The following FRMD4B variants were observed in gnomAD, a reference collection of about 807,000 sequenced individuals.
FRMD4B encodes the protein FERM domain-containing protein 4B.
In FRMD4B, 74 loss-of-function variants were observed where a neutral mutation model predicts 141.5. The observed-to-expected ratio is 0.52, with a 90% CI of 0.43 to 0.63. The LOEUF is 0.63. Ranked by LOEUF, FRMD4B falls within the 30% of genes least tolerant of loss-of-function variation. The pLI, the probability that FRMD4B is intolerant of heterozygous loss-of-function variation, is 0.00. For synonymous variants in FRMD4B, 506 were observed against 467.9 expected, an observed-to-expected ratio of 1.08 and a Z score of -1.05; for missense variants, 1,366 against 1,253.4, an observed-to-expected ratio of 1.09 and a Z score of -1.36.
chr3:69,174,994 T>C (rs1433252481), intron 22 of FRMD4B, among the ~76,000 whole-genome samples: 1 of 152,168 alleles, frequency 6.6e-6, no homozygotes, highest in Non-Finnish European at 1.5e-5. Flanking sequence ...AAAATTCTAT[T>C]TTGAGTATAG....
chr3:69,358,753 C>G (rs1375574240), intron 1 of FRMD4B, among the ~76,000 whole-genome samples: 1 of 151,892 alleles, frequency 6.6e-6, no homozygotes, highest in Non-Finnish European at 1.5e-5. Flanking sequence ...AACAAATAAA[C>G]AAACAAAAAA....
intron 1 of FRMD4B, among the ~76,000 whole-genome samples, chr3:69,375,751 A>G (rs1703956225): frequency 6.6e-6 from 1 of 152,196 alleles, no homozygotes; most frequent in Non-Finnish European, 1.5e-5. Flanking sequence ...GTGACTTATT[A>G]CCTATTATAA....
At chr3:69,289,928 T>C (rs1210279729) in intron 4 of FRMD4B, among the ~76,000 whole-genome samples, 1 of 152,234 alleles carries the variant, frequency 6.6e-6, no homozygotes, top group African/African-American at 2.4e-5. Context: ...TTTCTTGATT[T>C]GTCCTTTTTT....
At chr3:69,188,006 G>C (rs1005380095) in intron 18 of FRMD4B, 89 bp from the exon 19 acceptor site, 1 of 716,056 alleles carries the variant, frequency 1.4e-6, no homozygotes, top group South Asian at 1.7e-5. Flanking sequence ...AAAGAAATTA[G>C]AAGGTTTAGT....
intron 5 of FRMD4B, among the ~76,000 whole-genome samples, chr3:69,284,271 T>C (rs981012799): frequency 2.0e-5 from 3 of 151,810 alleles, no homozygotes; most frequent in Admixed American, 1.3e-4. Flanking sequence ...CTATAGAGGG[T>C]CTCCTCTGAG....
intron 1 of FRMD4B, among the ~76,000 whole-genome samples, chr3:69,338,146 G>T (rs6771772): frequency 0.61 from 93,020 of 151,984 alleles, 28,923 homozygotes; most frequent in African/African-American, 0.71. Context: ...GATGAGTTCA[G>T]GTCCTTTGTA....
intron 2 of FRMD4B, among the ~76,000 whole-genome samples, chr3:69,398,624 T>C (rs72937885): frequency 0.037 from 5,601 of 152,292 alleles, 352 homozygotes; most frequent in African/African-American, 0.13. Flanking sequence ...CCCAGCTCCT[T>C]ATTTCCAGGG....
intron 1 of FRMD4B, among the ~76,000 whole-genome samples, chr3:69,325,934 C>G (rs1029873385): frequency 1.3e-5 from 2 of 151,942 alleles, no homozygotes; most frequent in African/African-American, 4.8e-5. Context: ...TAAGTGCGTA[C>G]TTCTCTCAAG....
intron 17 of FRMD4B, among the ~76,000 whole-genome samples, chr3:69,193,261 C>A (rs1358299508): frequency 1.3e-5 from 2 of 152,136 alleles, no homozygotes; most frequent in African/African-American, 4.8e-5. Context: ...GTAATGCCAG[C>A]ACTTTGCAAG....
In FRMD4B at chr3:69,198,586, C is replaced by G. The variant is rs2092932286; in HGVS notation, c.953+112G>C. 8 of 666,242 alleles carry G rather than the reference C, an allele frequency of 1.2e-5. No individual in the cohort carries two copies. In the East Asian group the frequency reaches 2.2e-4, roughly 18 times the overall value. The allele number at this position is 666,242 out of a possible 1,614,324, so 41.3% of individuals were successfully genotyped here. On this transcript the variant is annotated intron_variant, in intron 12 of 22. Coordinates refer to ENST00000398540, the MANE Select transcript of FRMD4B (RefSeq NM_015123.3). ...CCCAGCAATTCCATTCCTAGGTATA[C>G]ACCCAAGAGAAATGAAAACATATGT...
chr3:69,418,862 T>C (rs893959953), intron 2 of FRMD4B, among the ~76,000 whole-genome samples: 8 of 141,730 alleles, frequency 5.6e-5, no homozygotes, highest in Non-Finnish European at 1.1e-4. Flanking sequence ...CACACATATA[T>C]AATTACATAT....
intron 4 of FRMD4B, among the ~76,000 whole-genome samples, chr3:69,296,640 G>A (rs541246263): frequency 2.0e-5 from 3 of 152,282 alleles, no homozygotes; most frequent in African/African-American, 7.2e-5. Context: ...AGTAACCTCA[G>A]CTCAGCCTAA....
intron 1 of FRMD4B, among the ~76,000 whole-genome samples, chr3:69,346,461 A>G (rs1392988570): frequency 1.3e-5 from 2 of 152,150 alleles, no homozygotes; most frequent in Non-Finnish European, 2.9e-5. Context: ...CCAACCTTCA[A>G]ATTCAGGAAA....
intron 1 of FRMD4B, among the ~76,000 whole-genome samples, chr3:69,361,047 T>C (rs1289276819): frequency 1.3e-5 from 2 of 152,224 alleles, no homozygotes; most frequent in African/African-American, 4.8e-5. Flanking sequence ...TATTTGCCAG[T>C]TTCCAAAATA....
chr3:69,205,497 C>G (rs1223697192), intron 11 of FRMD4B, among the ~76,000 whole-genome samples: 1 of 152,134 alleles, frequency 6.6e-6, no homozygotes, highest in Non-Finnish European at 1.5e-5. Flanking sequence ...GCATGAGCCA[C>G]CATGCCCAGC....
chr3:69,182,736 G>T lies in FRMD4B; in HGVS notation c.1920-19C>A, dbSNP rs200192067. The T allele has an allele frequency of 2.8e-5, 45 of 1,609,312 alleles. No individual in the cohort carries two copies. The highest frequency in any genetic ancestry group is 3.6e-5 in the Non-Finnish European group (43 of 1,178,360). On this transcript the variant is annotated intron_variant, in intron 19 of 22. Transcript: ENST00000398540. ...CATTTCTCTGTGATGATAAAAAGAAGAATTCAGGAAATGATGAGTCTCTCA... is the reference window on the plus strand; with the variant it reads ...CATTTCTCTGTGATGATAAAAAGAATAATTCAGGAAATGATGAGTCTCTCA...
At chr3:69,298,733 C>T (rs550909816) in intron 4 of FRMD4B, among the ~76,000 whole-genome samples, 20 of 152,298 alleles carry the variant, frequency 1.3e-4, no homozygotes, top group Non-Finnish European at 1.5e-4. Context: ...CATGCCTTTG[C>T]TCAATGCCAC....
intron 2 of FRMD4B, among the ~76,000 whole-genome samples, chr3:69,414,336 G>A (rs1438053665): frequency 1.3e-5 from 2 of 152,036 alleles, no homozygotes; most frequent in East Asian, 3.9e-4. Flanking sequence ...TCAGACATGG[G>A]GAAGGAAAAA....
chr3:69,491,115 C>T (rs1706295352), intron 1 of FRMD4B, among the ~76,000 whole-genome samples: 1 of 152,152 alleles, frequency 6.6e-6, no homozygotes, highest in South Asian at 2.1e-4. Context: ...AGAAAAGCAA[C>T]AAAGACTAAC....
Sources: gnomAD v4.1 joint callset for allele counts (sites outside exome capture counted in the v4.1 genomes callset) on GRCh38, gnomAD v4.1.1 for gene constraint, MANE v1.5 for transcripts, NCBI Gene and HGNC (gene_info 2026-07-23, HGNC 2026-07-21) for gene names.